ZMYND8: variants seen among roughly 807,000 people sequenced by gnomAD.
ZMYND8 encodes the protein zinc finger MYND-type containing 8, also known as MYND-type zinc finger-containing chromatin reader ZMYND8.
A neutral mutation model predicts 140.8 loss-of-function variants in ZMYND8; 37 were observed. That is an observed-to-expected ratio of 0.26 (90% CI 0.20 to 0.35). ZMYND8 has a LOEUF of 0.35. Among genes scored for constraint, ZMYND8 ranks in the 10% least tolerant of loss-of-function variants. The pLI, the probability that ZMYND8 is intolerant of heterozygous loss-of-function variation, is 1.00. For missense variants in ZMYND8, 1,068 were observed against 1,570.0 expected (o/e 0.68, Z 5.40); for synonymous variants, 592 against 597.1 (o/e 0.99, Z 0.12).
intron 12 of ZMYND8, among the ~76,000 whole-genome samples, chr20:47,251,041 A>G (rs955210954): frequency 2.0e-5 from 3 of 151,982 alleles, no homozygotes; most frequent in Non-Finnish European, 4.4e-5. Context: ...GAAGGAAAAA[A>G]AAGGAGGGAA....
chr20:47,338,581 C>A (rs1470381946), intron 2 of ZMYND8, among the ~76,000 whole-genome samples: 1 of 152,108 alleles, frequency 6.6e-6, no homozygotes, highest in African/African-American at 2.4e-5. Context: ...CCTCAGCAAC[C>A]CCAATCTTAA....
In ZMYND8 at chr20:47,224,276, C is replaced by T. The variant is rs1332178529; in HGVS notation, c.3256+41G>A. 3.1e-6 allele frequency: 5 copies of T among 1,609,724 alleles called. 1 individual carries two copies. The South Asian group carries it at 3.3e-5, about 11-fold the overall frequency. On this transcript the variant is annotated intron_variant, in intron 19 of 22. Transcript: ENST00000471951. ...TCCACAGGGGAGACCAATGCCAAGC[C>T]ACTGCAGCCCAGGACGGGAGGCAGC...
At chr20:47,232,897 G>GTTTTTTTT (rs144707608) in intron 16 of ZMYND8, among the ~76,000 whole-genome samples, 1 of 70,124 alleles carries the variant, frequency 1.4e-5, no homozygotes, top group African/African-American at 4.3e-5. Flanking sequence ...GTTTTTTTTT[G>GTTTTTTTT]TTTTTTTTGT....
chr20:47,304,229 T>C (rs114037853), intron 3 of ZMYND8, among the ~76,000 whole-genome samples: 1,734 of 152,294 alleles, frequency 0.011, 48 homozygotes, highest in South Asian at 0.06. Context: ...CCTGCTTCCA[T>C]AGGCTGGCTA....
intron 21 of ZMYND8, among the ~76,000 whole-genome samples, chr20:47,215,445 G>T (rs1360880508): frequency 1.3e-5 from 2 of 151,798 alleles, no homozygotes; most frequent in African/African-American, 4.8e-5. Flanking sequence ...TATCAGAATA[G>T]AAACTGTATC....
At chr20:47,231,061 C>T (rs1428025786) in intron 16 of ZMYND8, among the ~76,000 whole-genome samples, 1 of 152,208 alleles carries the variant, frequency 6.6e-6, no homozygotes, top group East Asian at 1.9e-4. Flanking sequence ...TCAGTCAGGA[C>T]ACTGTCTTTG....
rs79286557 is a variant in ZMYND8 at position 47,242,887 on chromosome 20, A to G, written c.2284+3121T>C. Among the ~76,000 whole-genome samples, 659 of 152,236 alleles carry G rather than the reference A, an allele frequency of 4.3e-3. 1 individual carries two copies. Among genetic ancestry groups the G allele is most frequent in the African/African-American group, 0.015 (625 of 41,490 alleles). On this transcript the variant is annotated intron_variant, in intron 14 of 22. Coordinates refer to ENST00000471951, the MANE Select transcript of ZMYND8 (RefSeq NM_001281775.3). ...TACATAATCAATCACCTGTAGCGGG[A>G]AAAAAAGGGTGAATTTTTTTTTAAA...
chr20:47,286,235 T>C (rs2076916104), intron 8 of ZMYND8, among the ~76,000 whole-genome samples: 2 of 151,684 alleles, frequency 1.3e-5, no homozygotes, highest in Admixed American at 6.6e-5. Flanking sequence ...TGGAGTGTAG[T>C]GGTGCTATCT....
rs1232769290 is a variant in ZMYND8, at chr20:47,241,949, C to T, written c.2285-2811G>A. On this transcript the variant is annotated intron_variant, in intron 14 of 22. Coordinates refer to ENST00000471951, the MANE Select transcript of ZMYND8 (RefSeq NM_001281775.3). ...TCTCCTGCCTTAGCCTCCCGAGTAG[C>T]TGGGACTACAGGTGCCCGCCACCAT... 2.0e-5 allele frequency among the ~76,000 whole-genome samples: 3 copies of T among 151,884 alleles called. No homozygotes were observed. In the East Asian group the frequency reaches 5.8e-4, roughly 29 times the overall value.
intron 18 of ZMYND8, among the ~76,000 whole-genome samples, chr20:47,225,930 C>T (rs1259162691): frequency 1.3e-5 from 2 of 151,932 alleles, no homozygotes; most frequent in African/African-American, 4.8e-5. Flanking sequence ...GTGGGTGGAT[C>T]GCTTGAGGCC....
At chr20:47,329,352 CA>C (rs2080741021) in intron 2 of ZMYND8, among the ~76,000 whole-genome samples, 1 of 152,214 alleles carries the variant, frequency 6.6e-6, no homozygotes, top group African/African-American at 2.4e-5. Context: ...CTGTGGCTGT[CA>C]GACACTTGAC....
At chr20:47,313,690 G>A (rs945106162) in intron 2 of ZMYND8, among the ~76,000 whole-genome samples, 1 of 151,866 alleles carries the variant, frequency 6.6e-6, no homozygotes, top group African/African-American at 2.4e-5. Flanking sequence ...TCAGCACTTT[G>A]GGAGGCCGAG....
At chr20:47,305,825 T>C (rs529970087) in intron 3 of ZMYND8, among the ~76,000 whole-genome samples, 1 of 152,300 alleles carries the variant, frequency 6.6e-6, no homozygotes, top group Non-Finnish European at 1.5e-5. Context: ...CAACAGGATG[T>C]TTGAACTCAA....
At chr20:47,281,264 C>G (rs2076587211) in intron 10 of ZMYND8, among the ~76,000 whole-genome samples, 1 of 152,198 alleles carries the variant, frequency 6.6e-6, no homozygotes, top group Admixed American at 6.5e-5. Context: ...CTCTTTTGGT[C>G]TGCAAGACGA....
chr20:47,252,291 CAAAAAAAA>C lies in ZMYND8; in HGVS notation c.1622-2860_1622-2853del, dbSNP rs144291181. Reference sequence around the variant, plus strand: ...TGGGCGACAGAGCAAGACTCTGTCTCAAAAAAAAAAAAAAAAAAAAAAAGCCCAGATTA... The same window carrying C: ...TGGGCGACAGAGCAAGACTCTGTCTCAAAAAAAAAAAAAAAGCCCAGATTA... On this transcript the variant is annotated intron_variant, in intron 12 of 22. Coordinates refer to ENST00000471951, the MANE Select transcript of ZMYND8 (RefSeq NM_001281775.3). 8.4e-4 allele frequency among the ~76,000 whole-genome samples: 58 copies of C among 68,946 alleles called. No individual in the cohort carries two copies. In the South Asian group the frequency reaches 0.023, roughly 27 times the overall value. The allele number at this position is 68,946 out of a possible 152,430, so 45.2% of individuals were successfully genotyped here. A position where few individuals can be genotyped will look rare whatever the true frequency, so the allele number is the denominator to read the frequency against.
rs1192282336 is a variant in ZMYND8 at position 47,246,036 on chromosome 20, T to C, written c.2256A>G (p.Glu752=). ...SGREGRKNKK[E]PKEPSPKQDV... The stretch of plus-strand genomic sequence containing the variant: ...CCTGTTTGGGAGATGGTTCTTTGGG[T>C]TCCTTCTTATTTTTTCGACCCTCCC... The change falls in exon 14 of 23, where the codon GAA becomes GAG. Residue 752 remains glutamate (E), a synonymous_variant. Coordinates refer to ENST00000471951, the MANE Select transcript of ZMYND8 (RefSeq NM_001281775.3). The C allele has an allele frequency of 6.2e-7, 1 of 1,603,120 alleles. No homozygotes were observed. The highest frequency in any genetic ancestry group is 8.5e-7 in the Non-Finnish European group (1 of 1,176,258).
At chr20:47,243,044 G>A (rs1176021428) in intron 14 of ZMYND8, among the ~76,000 whole-genome samples, 1 of 152,204 alleles carries the variant, frequency 6.6e-6, no homozygotes, top group African/African-American at 2.4e-5. Context: ...GTAGAAGGAT[G>A]GAAATTACTG....
At chr20:47,356,526 A>G (rs1337144179) in intron 1 of ZMYND8, 131 bp downstream of exon 1, 5 of 1,610,836 alleles carry the variant, frequency 3.1e-6, no homozygotes, top group Admixed American at 3.3e-5. Context: ...CTCTCTAAAC[A>G]GTTCCAAGTT....
intron 11 of ZMYND8, among the ~76,000 whole-genome samples, chr20:47,264,440 C>T (rs2075364325): frequency 6.6e-6 from 1 of 152,034 alleles, no homozygotes; most frequent in African/African-American, 2.4e-5. Context: ...TCACACCCGG[C>T]TATTTTTTAT....
Sources: allele counts gnomAD v4.1 joint callset (sites outside exome capture counted in the v4.1 genomes callset), GRCh38; gene constraint gnomAD v4.1.1; transcripts MANE v1.5; gene names NCBI Gene and HGNC (gene_info 2026-07-23, HGNC 2026-07-21).